Variants in SPPL3 observed in about 807,000 individuals in gnomAD.
SPPL3 encodes the protein signal peptide peptidase-like 3.
Under a neutral mutation model 42.4 loss-of-function variants are expected in SPPL3, and 5 were observed. The observed-to-expected ratio is 0.12, with a 90% CI of 0.06 to 0.25. SPPL3 has a LOEUF of 0.25. Ranked by LOEUF, SPPL3 falls within the 10% of genes least tolerant of loss-of-function variation. The pLI is 1.00. For missense variants in SPPL3, 235 were observed against 489.0 expected (o/e 0.48, Z 4.90); for synonymous variants, 195 against 181.8 (o/e 1.07, Z -0.58).
Position 120,764,949 on chromosome 12 carries a change from T to C in SPPL3, c.*50A>G, listed in dbSNP as rs371092255. 5.3e-5 allele frequency: 84 copies of C among 1,589,094 alleles called. No individual in the cohort carries two copies. Among genetic ancestry groups the C allele is most frequent in the South Asian group, 2.0e-4 (18 of 88,418 alleles). ...GCTCTAAGAGGAAACAAACCATGAG[T>C]TGAGAGAAAAGGACTATGACGGCCA... On this transcript the variant is annotated 3_prime_UTR_variant, in exon 11 of 11. Transcript: ENST00000353487.
intron 1 of SPPL3, among the ~76,000 whole-genome samples, chr12:120,828,814 T>C (rs1871306649): frequency 6.6e-6 from 1 of 152,214 alleles, no homozygotes; most frequent in African/African-American, 2.4e-5. Flanking sequence ...TGGGGTGCAG[T>C]GGCGTGATCA....
At chr12:120,874,471 G>T (rs1469690713) in intron 1 of SPPL3, among the ~76,000 whole-genome samples, 2 of 125,168 alleles carry the variant, frequency 1.6e-5, no homozygotes, top group African/African-American at 2.7e-5. Flanking sequence ...AAAAAAAAAA[G>T]AATAAAAGAA....
chr12:120,827,427 T>C (rs964113969), intron 1 of SPPL3, among the ~76,000 whole-genome samples: 3 of 151,814 alleles, frequency 2.0e-5, no homozygotes, highest in African/African-American at 4.8e-5. Flanking sequence ...CTAGACTTCA[T>C]ACAAGCTGTT....
intron 2 of SPPL3, 116 bp downstream of exon 2, chr12:120,810,693 A>T (rs1870653319): frequency 1.3e-6 from 1 of 767,114 alleles, no homozygotes; most frequent in African/African-American, 1.7e-5. Context: ...TTCTGAGTCA[A>T]ATCCTGCCGA....
At chr12:120,860,745 T>C (rs1269835548) in intron 1 of SPPL3, among the ~76,000 whole-genome samples, 1 of 152,114 alleles carries the variant, frequency 6.6e-6, no homozygotes, top group Non-Finnish European at 1.5e-5. Context: ...TTGCTAGAAA[T>C]AGTAAGAGAA....
chr12:120,815,140 CTCAAAG>C (rs1451267701), intron 1 of SPPL3, among the ~76,000 whole-genome samples: 1 of 152,134 alleles, frequency 6.6e-6, no homozygotes, highest in African/African-American at 2.4e-5. Flanking sequence ...TATAACATTC[CTCAAAG>C]TCAGATTGCT....
rs367698641 is a variant in SPPL3 at position 120,877,652 on chromosome 12, G to C, written c.23+26193C>G. On this transcript the variant is annotated intron_variant, in intron 1 of 10. Coordinates refer to ENST00000353487, the MANE Select transcript of SPPL3 (RefSeq NM_139015.5). Reference sequence around the variant, plus strand: ...AAAAATTAGCTGGGTGTGGTGGCAGGCACCTGGAGTCTCAGCTACTCGGGG... The same window carrying C: ...AAAAATTAGCTGGGTGTGGTGGCAGCCACCTGGAGTCTCAGCTACTCGGGG... Among the ~76,000 whole-genome samples the C allele has an allele frequency of 4.1e-4, 63 of 152,130 alleles. No homozygotes were observed. In the South Asian group the frequency reaches 0.013, roughly 31 times the overall value.
At chr12:120,796,235 G>C (rs1870092767) in intron 2 of SPPL3, among the ~76,000 whole-genome samples, 1 of 152,106 alleles carries the variant, frequency 6.6e-6, no homozygotes, top group Admixed American at 6.5e-5. Context: ...AATTAGCCAG[G>C]CATGGTGGCA....
At chr12:120,853,665 C>T (rs969134987) in intron 1 of SPPL3, among the ~76,000 whole-genome samples, 2 of 152,194 alleles carry the variant, frequency 1.3e-5, no homozygotes, top group African/African-American at 4.8e-5. Flanking sequence ...ATCCAAATCA[C>T]CTGGAGGACT....
chr12:120,884,837 G>C (rs1873403966), intron 1 of SPPL3, among the ~76,000 whole-genome samples: 1 of 138,002 alleles, frequency 7.2e-6, no homozygotes, highest in Non-Finnish European at 1.5e-5. Context: ...TTTCAGAAAG[G>C]TAACAATGGT....
At chr12:120,828,439 T>C (rs578114382) in intron 1 of SPPL3, among the ~76,000 whole-genome samples, 1 of 151,848 alleles carries the variant, frequency 6.6e-6, no homozygotes, top group African/African-American at 2.4e-5. Context: ...CAAATTAAAC[T>C]CAAATCAAAT....
At chr12:120,782,887 C>G in intron 5 of SPPL3, 120 bp from the exon 6 acceptor site, 1 of 689,936 alleles carries the variant, frequency 1.4e-6, no homozygotes, top group Non-Finnish European at 2.5e-6. Flanking sequence ...AGCTGGAAAT[C>G]CAAAATACCC....
chr12:120,766,847 T>G (rs1868926962), intron 9 of SPPL3, among the ~76,000 whole-genome samples: 1 of 152,210 alleles, frequency 6.6e-6, no homozygotes, highest in Non-Finnish European at 1.5e-5. Context: ...TGAACTGCTG[T>G]GGGACGAGGA....
chr12:120,825,743 TATA>T lies in SPPL3; in HGVS notation c.24-14860_24-14858del, dbSNP rs549917971. Among the ~76,000 whole-genome samples, 11 of 152,272 alleles carry T rather than the reference TATA, an allele frequency of 7.2e-5. No homozygotes were observed. The South Asian group carries it at 2.1e-3, about 29-fold the overall frequency. ...TAGTAGAGTAAAAATCATAAGAGTCTATAATATTTTTGGAAAATCAGTCAGGCA... is the reference window on the plus strand; with the variant it reads ...TAGTAGAGTAAAAATCATAAGAGTCTATATTTTTGGAAAATCAGTCAGGCA... On this transcript the variant is annotated intron_variant, in intron 1 of 10. Transcript: ENST00000353487.
At chr12:120,805,746 A>C (rs779015784) in intron 2 of SPPL3, among the ~76,000 whole-genome samples, 7 of 152,216 alleles carry the variant, frequency 4.6e-5, no homozygotes, top group Non-Finnish European at 1.0e-4. Flanking sequence ...GAAGAAAAAA[A>C]TTCATCAAAA....
chr12:120,836,942 G>A (rs909020132), intron 1 of SPPL3, among the ~76,000 whole-genome samples: 4 of 152,088 alleles, frequency 2.6e-5, no homozygotes, highest in East Asian at 3.8e-4. Context: ...TTTACAAAAC[G>A]CTGCCCATTG....
At position 120,843,348 on chromosome 12, in the gene SPPL3, C is replaced by T. The variant is rs571817649; in HGVS notation, c.24-32462G>A. On this transcript the variant is annotated intron_variant, in intron 1 of 10. Transcript: ENST00000353487. The stretch of plus-strand genomic sequence containing the variant: ...ACCGTCTCCTTCACTTCTATTCTCT[C>T]CTTGACCCATTCATATCTACTCTAC... 2.6e-5 allele frequency among the ~76,000 whole-genome samples: 4 copies of T among 152,320 alleles called. No homozygotes were observed. The South Asian group carries it at 8.3e-4, about 32-fold the overall frequency.
intron 6 of SPPL3, among the ~76,000 whole-genome samples, chr12:120,778,013 C>CA (rs1198109485): frequency 6.8e-6 from 1 of 146,754 alleles, no homozygotes; most frequent in African/African-American, 2.5e-5. Context: ...GGTAGACACT[C>CA]AAAAAAAGCA....
intron 6 of SPPL3, among the ~76,000 whole-genome samples, chr12:120,771,320 C>G (rs911727233): frequency 5.3e-5 from 8 of 152,210 alleles, no homozygotes; most frequent in Admixed American, 4.6e-4. Flanking sequence ...CCTCACTCTA[C>G]CCCCCATGCC....
Sources: gnomAD v4.1 joint callset for allele counts (sites outside exome capture counted in the v4.1 genomes callset) on GRCh38, gnomAD v4.1.1 for gene constraint, MANE v1.5 for transcripts, NCBI Gene and HGNC (gene_info 2026-07-23, HGNC 2026-07-21) for gene names.